Variants in SAG observed in about 807,000 individuals in gnomAD.
SAG encodes S-arrestin.
In SAG, 45 loss-of-function variants were observed where a neutral mutation model predicts 55.0. The observed-to-expected ratio is 0.82, with a 90% CI of 0.64 to 1.05. The LOEUF (loss-of-function observed/expected upper bound fraction) is 1.05. Among genes scored for constraint, SAG ranks in the 50% least tolerant of loss-of-function variants. The probability of loss-of-function intolerance (pLI) is 0.00; values close to 1 mark genes in which losing one functional copy is unlikely to be tolerated. For missense variants in SAG, 455 were observed against 512.1 expected (o/e 0.89, Z 1.08); for synonymous variants, 189 against 197.4 (o/e 0.96, Z 0.36).
chr2:233,337,713 T>A (rs1478468671), intron 11 of SAG, among the ~76,000 whole-genome samples: 1 of 152,178 alleles, frequency 6.6e-6, no homozygotes, highest in Non-Finnish European at 1.5e-5. Context: ...TTTCCAGAGC[T>A]GTTCCATCCT....
intron 6 of SAG, among the ~76,000 whole-genome samples, chr2:233,326,586 C>CAAAA (rs35383170): frequency 3.4e-4 from 42 of 123,628 alleles, no homozygotes; most frequent in African/African-American, 1.2e-3. Context: ...ACTCCATCTC[C>CAAAA]AAAAAAAAAA....
chr2:233,317,215 C>G (rs562913871), intron 3 of SAG, among the ~76,000 whole-genome samples: 78 of 152,348 alleles, frequency 5.1e-4, no homozygotes, highest in African/African-American at 1.8e-3. Context: ...ACAGTTGCAT[C>G]CCGGGCACTT....
chr2:233,320,885 G>A (rs1700362276), intron 5 of SAG, 62 bp downstream of exon 5: 2 of 1,402,502 alleles, frequency 1.4e-6, no homozygotes, highest in South Asian at 1.3e-5. Context: ...ATGTGGATGG[G>A]GGCAAAGGAA....
At chr2:233,321,375 G>A (rs1272782678) in intron 5 of SAG, among the ~76,000 whole-genome samples, 1 of 152,174 alleles carries the variant, frequency 6.6e-6, no homozygotes, top group Non-Finnish European at 1.5e-5. Context: ...TTACGAGCAT[G>A]TTTATTTGTC....
chr2:233,320,877 G>A (rs1700361728), intron 5 of SAG, 54 bp downstream of exon 5: 1 of 1,441,784 alleles, frequency 6.9e-7, no homozygotes, highest in Non-Finnish European at 9.5e-7. Context: ...ACCTTATCAT[G>A]TGGATGGGGG....
chr2:233,318,635 T>C, intron 3 of SAG, 116 bp from the exon 4 acceptor site: 3 of 907,582 alleles, frequency 3.3e-6, no homozygotes, highest in Non-Finnish European at 5.3e-6. Flanking sequence ...TTTTCTTTCT[T>C]TCTTATAATG....
intron 15 of SAG, among the ~76,000 whole-genome samples, 194 bp from the exon 16 acceptor site, chr2:233,346,613 C>T (rs1243185193): frequency 6.6e-6 from 1 of 152,174 alleles, no homozygotes; most frequent in African/African-American, 2.4e-5. Context: ...TCACTCTGCG[C>T]GTGCCTTTGT....
In SAG at chr2:233,319,679, G is replaced by A; in HGVS notation, c.181+884G>A. The A allele has an allele frequency of 3.0e-6, 3 of 985,792 alleles. No homozygotes were observed. Among genetic ancestry groups the A allele is most frequent in the Non-Finnish European group, 3.6e-6 (3 of 830,236 alleles). 61.1% of individuals were successfully genotyped at this position (985,792 alleles called of 1,614,324 possible). On this transcript the variant is annotated intron_variant, in intron 4 of 15. Transcript: ENST00000409110. The surrounding 1 kb of genome is among the most constrained non-coding windows in gnomAD (Gnocchi z 4.4). ...GCCCTGCTCCTCTCTGGACCAGGAG[G>A]CATCTGGTTTGAGCCCCGAAAGCCC... is the stretch of plus-strand genomic sequence containing the variant.
chr2:233,309,689 G>T (rs956595198), intron 2 of SAG, among the ~76,000 whole-genome samples: 1 of 152,140 alleles, frequency 6.6e-6, no homozygotes, highest in Non-Finnish European at 1.5e-5. Flanking sequence ...GAAGCTTTGT[G>T]TCTATTTTTG....
intron 11 of SAG, among the ~76,000 whole-genome samples, chr2:233,337,329 C>A (rs1281482733): frequency 1.3e-5 from 2 of 152,154 alleles, no homozygotes; most frequent in Non-Finnish European, 2.9e-5. Flanking sequence ...ACCTCCACCT[C>A]CCAAGTTCAA....
At chr2:233,320,538 G>A (rs1425294720) in intron 4 of SAG, 92 bp from the exon 5 acceptor site, 1 of 991,540 alleles carries the variant, frequency 1.0e-6, no homozygotes, top group African/African-American at 1.7e-5. Flanking sequence ...AGATGCTAAA[G>A]GTTGAAAACC....
At chr2:233,334,835 G>A in intron 10 of SAG, 127 bp from the exon 11 acceptor site, 2 of 1,140,098 alleles carry the variant, frequency 1.8e-6, no homozygotes, top group Non-Finnish European at 2.6e-6. Flanking sequence ...CCAGGCTCTT[G>A]AACCCACCTT....
chr2:233,321,470 C>T (rs1700378951), intron 5 of SAG, among the ~76,000 whole-genome samples: 1 of 152,184 alleles, frequency 6.6e-6, no homozygotes, highest in African/African-American at 2.4e-5. Context: ...ATGGATGAAT[C>T]CTGAATACAT....
chr2:233,332,016 G>T, intron 10 of SAG: 1 of 393,464 alleles, frequency 2.5e-6, no homozygotes, highest in East Asian at 5.5e-5. Flanking sequence ...ATTTATCCTT[G>T]GAATGAATTG....
intron 4 of SAG, 121 bp downstream of exon 4, chr2:233,318,916 A>G: frequency 1.2e-6 from 1 of 865,990 alleles, no homozygotes; most frequent in Non-Finnish European, 2.0e-6. Context: ...GCGCTCTTGC[A>G]CATGGAACCA....
chr2:233,316,110 C>A lies in SAG; in HGVS notation c.111C>A (p.Asp37Glu), dbSNP rs1350432841. 3.8e-6 allele frequency: 6 copies of A among 1,597,856 alleles called. No individual in the cohort carries two copies. The highest frequency in any genetic ancestry group is 4.3e-6 in the Non-Finnish European group (5 of 1,170,248). Residue 37 changes from aspartate to glutamate, a missense_variant, in exon 3 of 16, where the codon GAC becomes GAA. Asp to Glu is a conservative substitution (Grantham distance 45). Transcript: ENST00000409110. ...ACCTGGGGAACAGAGACTACATAGA[C>A]CATGTCAGCCAAGTCCAGCCTGTGG... ...TIYLGNRDYI[D>E]HVSQVQPVDG...
At position 233,335,085 on chromosome 2, in the gene SAG, T is replaced by G; in HGVS notation, c.930T>G (p.Leu310=). The G allele has an allele frequency of 6.2e-7, 1 of 1,613,724 alleles. No individual in the cohort carries two copies. The highest frequency in any genetic ancestry group is 8.5e-7 in the Non-Finnish European group (1 of 1,179,706). The stretch of plus-strand genomic sequence containing the variant: ...AAATCAAGCACGAGGACACAAACCT[T>G]GCCTCCAGCACCATGTGAGTCCTCG... The part of the protein sequence containing the change: ...DGKIKHEDTN[L]ASSTIIKEGI... The change falls in exon 11 of 16, where the codon CTT becomes CTG. Residue 310 remains leucine (L), a synonymous_variant. Coordinates refer to ENST00000409110, the MANE Select transcript of SAG (RefSeq NM_000541.5).
chr2:233,329,577 G>T lies in SAG; in HGVS notation c.733G>T (p.Val245Leu). Residue 245 changes from valine (V) to leucine (L), a missense_variant and splice_region_variant, in exon 9 of 16, where the codon GTG becomes TTG. Val to Leu is a conservative substitution (Grantham distance 32). Coordinates refer to ENST00000409110, the MANE Select transcript of SAG (RefSeq NM_000541.5). The stretch of plus-strand genomic sequence containing the variant: ...GACCGTGAAGAAGATTAAAGCATTC[G>T]GTAGGACCTTCTTCTCAGAAGTAGA... ...EKTVKKIKAF[V>L]EQVANVVLYS... 6.3e-7 allele frequency: 1 copy of T among 1,599,306 alleles called. No homozygotes were observed. Among genetic ancestry groups the T allele is most frequent in the Non-Finnish European group, 8.6e-7 (1 of 1,166,746 alleles).
intron 1 of SAG, 84 bp from the exon 2 acceptor site, chr2:233,309,078 T>C: frequency 1.3e-6 from 1 of 769,556 alleles, no homozygotes. Flanking sequence ...CGTGAGTAGG[T>C]TTCATAACTA....
Sources: allele counts gnomAD v4.1 joint callset (sites outside exome capture counted in the v4.1 genomes callset), GRCh38; gene constraint gnomAD v4.1.1; non-coding constraint Gnocchi (gnomAD v3.1); transcripts MANE v1.5; gene names NCBI Gene and HGNC (gene_info 2026-07-23, HGNC 2026-07-21).